Variants in SMAD9 observed in about 807,000 individuals in gnomAD.
SMAD9 encodes the protein SMAD family member 9.
Under a neutral mutation model 46.1 loss-of-function variants are expected in SMAD9, and 36 were observed. That is an observed-to-expected ratio of 0.78 (90% confidence interval 0.60 to 1.03). SMAD9 has a LOEUF of 1.03. Ranked by LOEUF, SMAD9 falls within the 50% of genes least tolerant of loss-of-function variation. SMAD9 has a pLI of 0.00. For missense variants in SMAD9, 572 were observed against 599.8 expected (o/e 0.95, Z 0.48); for synonymous variants, 245 against 237.1 (o/e 1.03, Z -0.31).
Position 36,865,866 on chromosome 13 carries a change from G to C in SMAD9, c.782-108C>G, listed in dbSNP as rs2058229003. ...AATGCTTTTCACCAGAAAGTCGGCT[G>C]CAAGACCAAGCATGCCGCTCTGCAA... On this transcript the variant is annotated intron_variant, in intron 4 of 6. Transcript: ENST00000379826. 3.5e-6 allele frequency: 3 copies of C among 867,082 alleles called. No individual in the cohort carries two copies. In the East Asian group the frequency reaches 8.0e-5, roughly 23 times the overall value. 53.7% of individuals were successfully genotyped at this position (867,082 alleles called of 1,614,324 possible). A position where few individuals can be genotyped will look rare whatever the true frequency, so the allele number is the denominator to read the frequency against.
At chr13:36,915,756 G>A (rs963826489) in intron 1 of SMAD9, among the ~76,000 whole-genome samples, 14 of 152,142 alleles carry the variant, frequency 9.2e-5, no homozygotes, top group East Asian at 1.9e-4. Flanking sequence ...TGTTACAACC[G>A]TGTGCACACA....
rs935087103 is a variant in SMAD9, at chr13:36,894,654, T to C, written c.-186-14779A>G. On this transcript the variant is annotated intron_variant, in intron 1 of 6. Coordinates refer to ENST00000379826, the MANE Select transcript of SMAD9 (RefSeq NM_001127217.3). ...CTTTCTGCTTCCTGACCTCTTCCTCTCCCCTCTTTTAGGTCCAGTCACCTC... is the reference window on the plus strand; with the variant it reads ...CTTTCTGCTTCCTGACCTCTTCCTCCCCCCTCTTTTAGGTCCAGTCACCTC... Among the ~76,000 whole-genome samples the C allele has an allele frequency of 5.9e-5, 9 of 152,218 alleles. No individual in the cohort carries two copies. In the East Asian group the frequency reaches 1.7e-3, roughly 29 times the overall value.
At chr13:36,904,767 G>C (rs1011513268) in intron 1 of SMAD9, among the ~76,000 whole-genome samples, 1 of 152,134 alleles carries the variant, frequency 6.6e-6, no homozygotes, top group African/African-American at 2.4e-5. Context: ...GAACAACAAA[G>C]CCTTTAAAGG....
intron 5 of SMAD9, among the ~76,000 whole-genome samples, chr13:36,860,550 C>T (rs766649303): frequency 4.0e-5 from 6 of 151,228 alleles, no homozygotes; most frequent in South Asian, 2.1e-4. Flanking sequence ...CCTGGGTTCA[C>T]GCCACTCTTC....
At chr13:36,862,232 G>T (rs140401161) in intron 5 of SMAD9, among the ~76,000 whole-genome samples, 2 of 152,050 alleles carry the variant, frequency 1.3e-5, no homozygotes, top group African/African-American at 2.4e-5. Context: ...AGACCTACTG[G>T]GCTGCATTCC....
intron 3 of SMAD9, 32 bp downstream of exon 3, chr13:36,872,625 CG>C (rs763823854): frequency 6.2e-7 from 1 of 1,612,128 alleles, no homozygotes; most frequent in South Asian, 1.1e-5. Flanking sequence ...CTTATTTTCC[CG>C]TATTTCCCCA....
Position 36,845,723 on chromosome 13 carries a change from G to C in SMAD9, c.*2953C>G, listed in dbSNP as rs1409892528. ...ACTGCATTTATTTTTTGAAACTCTT[G>C]GTAGCAAAAGAAAAAGCTGATTAAA... On this transcript the variant is annotated 3_prime_UTR_variant, in exon 7 of 7. Transcript: ENST00000379826. 6.6e-6 allele frequency: 1 copy of C among 151,734 alleles called. No individual in the cohort carries two copies. The highest frequency in any genetic ancestry group is 1.5e-5 in the Non-Finnish European group (1 of 67,976). The allele number at this position is 151,734 out of a possible 1,614,324, so 9.4% of individuals were successfully genotyped here.
intron 1 of SMAD9, among the ~76,000 whole-genome samples, chr13:36,912,344 G>A (rs941670576): frequency 2.0e-5 from 3 of 152,140 alleles, no homozygotes; most frequent in African/African-American, 4.8e-5. Context: ...GTGAAAGGTG[G>A]AGTGGTTCAA....
At chr13:36,885,307 T>C (rs1460297379) in intron 1 of SMAD9, among the ~76,000 whole-genome samples, 3 of 152,170 alleles carry the variant, frequency 2.0e-5, no homozygotes. Context: ...AGAAAACAGC[T>C]GGCTGTTATT....
chr13:36,879,336 G>A lies in SMAD9; in HGVS notation c.354C>T (p.Gly118=), dbSNP rs1424891100. Residue 118 remains glycine, a synonymous_variant, in exon 2 of 7, where the codon GGC becomes GGT. Coordinates refer to ENST00000379826, the MANE Select transcript of SMAD9 (RefSeq NM_001127217.3). ...KPLECCEFPF[G]SKQKEVCINP... is the part of the protein sequence containing the mutation. ...TAATGCACACTTCTTTCTGCTTGGAGCCAAATGGGAACTCACAGCACTCCA... is the reference window on the plus strand; with the variant it reads ...TAATGCACACTTCTTTCTGCTTGGAACCAAATGGGAACTCACAGCACTCCA... 1.2e-6 allele frequency: 2 copies of A among 1,614,030 alleles called. No individual in the cohort carries two copies. The highest frequency in any genetic ancestry group is 2.7e-5 in the African/African-American group (2 of 74,938).
intron 3 of SMAD9, among the ~76,000 whole-genome samples, chr13:36,870,290 T>C (rs901940855): frequency 6.6e-6 from 1 of 152,156 alleles, no homozygotes; most frequent in Admixed American, 6.6e-5. Flanking sequence ...AACACTATTA[T>C]CCTCCTGTTC....
At chr13:36,894,412 C>G (rs902285950) in intron 1 of SMAD9, among the ~76,000 whole-genome samples, 1 of 152,092 alleles carries the variant, frequency 6.6e-6, no homozygotes, top group Non-Finnish European at 1.5e-5. Flanking sequence ...ATTGTGAGGC[C>G]TCTTCAGCCA....
In SMAD9 at chr13:36,848,363, G is replaced by A. The variant is rs748165059; in HGVS notation, c.*313C>T. 2.6e-5 allele frequency: 9 copies of A among 346,322 alleles called. No individual in the cohort carries two copies. Among genetic ancestry groups the A allele is most frequent in the Non-Finnish European group, 4.3e-5 (8 of 184,414 alleles). The allele number at this position is 346,322 out of a possible 1,614,324, so 21.5% of individuals were successfully genotyped here. On this transcript the variant is annotated 3_prime_UTR_variant, in exon 7 of 7. Coordinates refer to ENST00000379826, the MANE Select transcript of SMAD9 (RefSeq NM_001127217.3). Reference sequence around the variant, plus strand: ...CACACAACATGCTTTATAATGACACGGCTGACTAAAGCTGTCTTTTATTCT... The same window carrying A: ...CACACAACATGCTTTATAATGACACAGCTGACTAAAGCTGTCTTTTATTCT...
intron 4 of SMAD9, 149 bp from the exon 5 acceptor site, chr13:36,865,907 A>G (rs1354336666): frequency 2.9e-6 from 2 of 690,148 alleles, no homozygotes; most frequent in Non-Finnish European, 5.1e-6. Flanking sequence ...TAGAACCTGT[A>G]GCTCTCATGG....
intron 5 of SMAD9, 148 bp from the exon 6 acceptor site, chr13:36,853,823 T>G (rs1243855371): frequency 5.3e-5 from 44 of 827,504 alleles, no homozygotes; most frequent in Non-Finnish European, 7.6e-5. Flanking sequence ...TAAATGCCGC[T>G]TAGTTTAATG....
At chr13:36,894,102 T>C (rs2058509813) in intron 1 of SMAD9, among the ~76,000 whole-genome samples, 1 of 152,104 alleles carries the variant, frequency 6.6e-6, no homozygotes, top group South Asian at 2.1e-4. Flanking sequence ...TAGAATAGCA[T>C]TAGAACAATG....
At position 36,871,431 on chromosome 13, in the gene SMAD9, T is replaced by C. The variant is rs984039693; in HGVS notation, c.670+1227A>G. Among the ~76,000 whole-genome samples the C allele has an allele frequency of 1.3e-4, 20 of 152,254 alleles. No individual in the cohort carries two copies. The East Asian group carries it at 3.1e-3, about 24-fold the overall frequency. On this transcript the variant is annotated intron_variant, in intron 3 of 6. Coordinates refer to ENST00000379826, the MANE Select transcript of SMAD9 (RefSeq NM_001127217.3). ...TATTTGGGAGACTGAGGTGGGAGAA[T>C]TGCTTGAACCTGGGAGGCAGAGACT...
intron 5 of SMAD9, among the ~76,000 whole-genome samples, chr13:36,857,579 C>A (rs2058138888): frequency 6.6e-6 from 1 of 152,078 alleles, no homozygotes; most frequent in African/African-American, 2.4e-5. Context: ...GGTGGAACTA[C>A]AATAGTGTGT....
At chr13:36,883,197 C>T (rs2058418234) in intron 1 of SMAD9, among the ~76,000 whole-genome samples, 1 of 152,036 alleles carries the variant, frequency 6.6e-6, no homozygotes, top group Non-Finnish European at 1.5e-5. Context: ...CTCTAACCTA[C>T]TCTCATCTCC....
Sources: allele counts gnomAD v4.1 joint callset (sites outside exome capture counted in the v4.1 genomes callset), GRCh38; gene constraint gnomAD v4.1.1; transcripts MANE v1.5; gene names NCBI Gene and HGNC (gene_info 2026-07-23, HGNC 2026-07-21).